Variants in MCHR2 observed in about 807,000 individuals in gnomAD.
The protein encoded by MCHR2 is melanin-concentrating hormone receptor 2.
MCHR2 carries 15 observed loss-of-function variants against 24.8 expected under a neutral mutation model. That is an observed-to-expected ratio of 0.60 (90% CI 0.40 to 0.93). The LOEUF (loss-of-function observed/expected upper bound fraction) is 0.93. Among genes scored for constraint, MCHR2 ranks in the 40% least tolerant of loss-of-function variants. MCHR2 has a pLI of 0.00. For synonymous variants in MCHR2, 151 were observed against 147.6 expected, an observed-to-expected ratio of 1.02 and a Z score of -0.17; for missense variants, 386 against 408.7, an observed-to-expected ratio of 0.94 and a Z score of 0.48.
At chr6:99,989,257 CA>C (rs887619692) in intron 1 of MCHR2, among the ~76,000 whole-genome samples, 1 of 151,098 alleles carries the variant, frequency 6.6e-6, no homozygotes, top group African/African-American at 2.4e-5. Flanking sequence ...GTATCAAATT[CA>C]AAAAAAATTA....
At chr6:99,981,429 G>A (rs1008209087) in intron 1 of MCHR2, among the ~76,000 whole-genome samples, 4 of 141,876 alleles carry the variant, frequency 2.8e-5, no homozygotes, top group Non-Finnish European at 4.6e-5. Flanking sequence ...TCCAGTCACT[G>A]GAGTCTGGCC....
At chr6:99,922,350 G>A (rs535259051) in intron 5 of MCHR2, among the ~76,000 whole-genome samples, 8 of 152,070 alleles carry the variant, frequency 5.3e-5, no homozygotes, top group Middle Eastern at 3.4e-3. Context: ...CTCGCGATCC[G>A]CCCGCCTCGG....
Position 99,920,796 on chromosome 6 carries a change from C to A in MCHR2, c.*144G>T, listed in dbSNP as rs918354259. 4.7e-4 allele frequency: 361 copies of A among 773,342 alleles called. 2 individuals are homozygous for A. The East Asian group carries it at 8.9e-3, about 19-fold the overall frequency. 47.9% of individuals were successfully genotyped at this position (773,342 alleles called of 1,614,324 possible). A position where few individuals can be genotyped will look rare whatever the true frequency, so the allele number is the denominator to read the frequency against. ...TAGCATATTAAGCTCATTGTATTTG[C>A]ATGGTTACACTTCTCTTCCATGCTG... On this transcript the variant is annotated 3_prime_UTR_variant, in exon 6 of 6. Transcript: ENST00000281806.
chr6:99,983,556 A>T (rs1023950513), intron 1 of MCHR2, among the ~76,000 whole-genome samples: 9 of 152,182 alleles, frequency 5.9e-5, no homozygotes, highest in African/African-American at 2.2e-4. Context: ...TTGACTCACC[A>T]CTCTAAGAAA....
chr6:99,921,660 A>G (rs967593959), intron 5 of MCHR2, among the ~76,000 whole-genome samples: 3 of 152,194 alleles, frequency 2.0e-5, no homozygotes, highest in Admixed American at 6.5e-5. Flanking sequence ...TTTTAAAAGT[A>G]CAATTATTAT....
At chr6:99,988,686 T>A (rs546706166) in intron 1 of MCHR2, among the ~76,000 whole-genome samples, 1 of 152,190 alleles carries the variant, frequency 6.6e-6, no homozygotes, top group Non-Finnish European at 1.5e-5. Flanking sequence ...ACATTTCTCA[T>A]AGGTAGAAAT....
chr6:99,920,692 C>A lies in MCHR2; in HGVS notation c.*248G>T. 1 of 453,926 alleles carries A rather than the reference C, an allele frequency of 2.2e-6. No homozygotes were observed. The highest frequency in any genetic ancestry group is 4.0e-6 in the Non-Finnish European group (1 of 249,900). The allele number at this position is 453,926 out of a possible 1,614,324, so 28.1% of individuals were successfully genotyped here. ...TTATAATATGCTGAAATAATATACA[C>A]CATCATGAAGCCTGGGTATCTCAGA... On this transcript the variant is annotated 3_prime_UTR_variant, in exon 6 of 6. Transcript: ENST00000281806.
intron 1 of MCHR2, among the ~76,000 whole-genome samples, chr6:99,976,408 T>C (rs1176389320): frequency 1.3e-5 from 2 of 152,220 alleles, no homozygotes; most frequent in Admixed American, 6.5e-5. Flanking sequence ...ACCAATTATG[T>C]GCAGCTTTGG....
At chr6:99,978,694 A>G (rs1006198415) in intron 1 of MCHR2, among the ~76,000 whole-genome samples, 3 of 152,138 alleles carry the variant, frequency 2.0e-5, no homozygotes, top group African/African-American at 7.2e-5. Flanking sequence ...CTGGGATGAC[A>G]GGCGTGAGCC....
At chr6:99,933,683 G>A (rs968441688) in intron 5 of MCHR2, among the ~76,000 whole-genome samples, 2 of 151,676 alleles carry the variant, frequency 1.3e-5, no homozygotes, top group African/African-American at 4.8e-5. Flanking sequence ...TAGTGTGCAG[G>A]GAAACCCAGC....
At chr6:99,954,658 G>A (rs988692039) in intron 2 of MCHR2, among the ~76,000 whole-genome samples, 121 of 152,182 alleles carry the variant, frequency 8.0e-4, no homozygotes, top group African/African-American at 2.8e-3. Flanking sequence ...GGTGTTAATG[G>A]TCATATTTTT....
chr6:99,946,268 A>G (rs1325415904), intron 3 of MCHR2, among the ~76,000 whole-genome samples: 2 of 152,184 alleles, frequency 1.3e-5, no homozygotes, highest in Non-Finnish European at 2.9e-5. Flanking sequence ...GCTATGCAGT[A>G]TATTGATTTA....
intron 5 of MCHR2, among the ~76,000 whole-genome samples, chr6:99,925,954 A>T (rs945343043): frequency 6.6e-6 from 1 of 151,968 alleles, no homozygotes; most frequent in African/African-American, 2.4e-5. Flanking sequence ...ATTTAGCATT[A>T]GGTATATCTC....
intron 1 of MCHR2, among the ~76,000 whole-genome samples, chr6:99,967,125 C>T (rs185464076): frequency 2.4e-4 from 37 of 151,194 alleles, no homozygotes; most frequent in African/African-American, 9.0e-4. Flanking sequence ...AGGTCTTAAA[C>T]AGTTAAGTCT....
At chr6:99,956,944 ATGTG>A (rs3038362) in intron 1 of MCHR2, among the ~76,000 whole-genome samples, 27 of 150,446 alleles carry the variant, frequency 1.8e-4, no homozygotes, top group Non-Finnish European at 3.7e-4. Context: ...GCTGGACAAA[ATGTG>A]TGTGTGTGTG....
chr6:99,954,376 G>T (rs1046068772), intron 2 of MCHR2, among the ~76,000 whole-genome samples: 1 of 152,050 alleles, frequency 6.6e-6, no homozygotes, highest in Non-Finnish European at 1.5e-5. Context: ...TGCAGGTTGG[G>T]CATCCCTAAC....
At chr6:99,925,994 C>A (rs1464584439) in intron 5 of MCHR2, among the ~76,000 whole-genome samples, 2 of 152,008 alleles carry the variant, frequency 1.3e-5, no homozygotes, top group East Asian at 3.9e-4. Flanking sequence ...CTGCCCCCAC[C>A]CCACAACAGT....
At chr6:99,927,946 C>T (rs943444994) in intron 5 of MCHR2, among the ~76,000 whole-genome samples, 2 of 152,072 alleles carry the variant, frequency 1.3e-5, no homozygotes, top group Non-Finnish European at 2.9e-5. Context: ...CAGTTTTTGC[C>T]CATTCAGTAT....
chr6:99,948,022 T>C (rs374962868), intron 2 of MCHR2, 51 bp from the exon 3 acceptor site: 6 of 1,491,418 alleles, frequency 4.0e-6, no homozygotes, highest in Non-Finnish European at 4.6e-6. Flanking sequence ...ATACAGACTA[T>C]TCGATATATG....
Sources: gnomAD v4.1 joint callset for allele counts (sites outside exome capture counted in the v4.1 genomes callset) on GRCh38, gnomAD v4.1.1 for gene constraint, MANE v1.5 for transcripts, NCBI Gene and HGNC (gene_info 2026-07-23, HGNC 2026-07-21) for gene names.